The following PSMC5 variants were observed in gnomAD, a reference collection of about 807,000 sequenced individuals.
The protein encoded by PSMC5 is proteasome 26S subunit, ATPase 5, also known as 26S proteasome regulatory subunit 8.
PSMC5 carries 11 observed loss-of-function variants against 49.1 expected under a neutral mutation model. That is an observed-to-expected ratio of 0.22 (90% CI 0.14 to 0.37). The LOEUF is 0.37. Ranked by LOEUF, PSMC5 falls within the 10% of genes least tolerant of loss-of-function variation. PSMC5 has a pLI of 1.00. For missense variants in PSMC5, 229 were observed against 520.9 expected, an observed-to-expected ratio of 0.44 and a Z score of 5.45; for synonymous variants, 206 against 192.2, an observed-to-expected ratio of 1.07 and a Z score of -0.59.
Position 63,831,008 on chromosome 17 carries a change from C to A in PSMC5, c.680-28C>A. ...TAGAGAGCTAATAAGCTAATAAGCT[C>A]CCTAACACCAGCTCGGCCTCCACAC... On this transcript the variant is annotated intron_variant, in intron 7 of 11. Transcript: ENST00000310144. This position sits in a 1 kb window ranked among gnomAD's most constrained non-coding sequence, Gnocchi z 6.3. 1 of 1,600,288 alleles carries A rather than the reference C, an allele frequency of 6.2e-7. No individual in the cohort carries two copies. Among genetic ancestry groups the A allele is most frequent in the South Asian group, 1.1e-5 (1 of 89,146 alleles).
Position 63,830,338 on chromosome 17 carries a change from A to T in PSMC5, c.389A>T (p.Lys130Met). The change falls in exon 6 of 12, where the codon AAG becomes ATG. Residue 130 changes from lysine to methionine, a missense_variant. Physicochemically the swap from Lys to Met is moderately conservative, Grantham distance 95. Around this residue, in one of 4 missense-constraint regions of PSMC5, gnomAD observed 10 missense variants for 22.3 expected, o/e 0.45. Coordinates refer to ENST00000310144, the MANE Select transcript of PSMC5 (RefSeq NM_002805.6). The surrounding 1 kb of genome is among the most constrained non-coding windows in gnomAD (Gnocchi z 4.0). ...SYTLHKILPN[K>M]VDPLVSLMMV... ...ACTCTGCACAAGATCCTGCCCAACAAGGTAGACCCATTAGTGTCACTGATG... is the reference window on the plus strand; with the variant it reads ...ACTCTGCACAAGATCCTGCCCAACATGGTAGACCCATTAGTGTCACTGATG... 6.2e-7 allele frequency: 1 copy of T among 1,614,218 alleles called. No individual in the cohort carries two copies. Among genetic ancestry groups the T allele is most frequent in the East Asian group, 2.2e-5 (1 of 44,884 alleles).
rs542120633 is a variant in PSMC5 at position 63,829,171 on chromosome 17, T to G, written c.97-323T>G. ...TGGGCTAGAACTCAGGTTTCTCACC[T>G]AACAATCTTTCCACCAGGTGTTGTT... On this transcript the variant is annotated intron_variant, in intron 2 of 11. Transcript: ENST00000310144. 4.8e-4 allele frequency: 144 copies of G among 301,610 alleles called. 2 individuals are homozygous for G. The highest frequency in any genetic ancestry group is 1.4e-3 in the Admixed American group (31 of 21,598). 18.7% of individuals were successfully genotyped at this position (301,610 alleles called of 1,614,324 possible). A position where few individuals can be genotyped will look rare whatever the true frequency, so the allele number is the denominator to read the frequency against.
rs2040163351 is a variant in PSMC5, at chr17:63,830,027, G to C, written c.264+78G>C. ...CCTTTGTGTGTAGCCTCGGGAGACA[G>C]GGTTCTGTGTTCTGTCAAGGTATTG... On this transcript the variant is annotated intron_variant, in intron 4 of 11. Coordinates refer to ENST00000310144, the MANE Select transcript of PSMC5 (RefSeq NM_002805.6). The surrounding 1 kb of genome is among the most constrained non-coding windows in gnomAD (Gnocchi z 4.0). 6.4e-7 allele frequency: 1 copy of C among 1,564,588 alleles called. No individual in the cohort carries two copies. The highest frequency in any genetic ancestry group is 1.2e-5 in the South Asian group (1 of 83,546).
rs2040194238 is a variant in PSMC5, at chr17:63,831,903, C to T, written c.1168-13C>T. On this transcript the variant is annotated splice_polypyrimidine_tract_variant and intron_variant, in intron 11 of 11. Coordinates refer to ENST00000310144, the MANE Select transcript of PSMC5 (RefSeq NM_002805.6). The surrounding 1 kb of genome is among the most constrained non-coding windows in gnomAD (Gnocchi z 6.3). ...GTTCGTAACTTAATGTTCATTCTCT[C>T]TCCCACCCCTAGGTCATGCAGAAGG... 1.2e-6 allele frequency: 2 copies of T among 1,613,842 alleles called. No homozygotes were observed. Among genetic ancestry groups the T allele is most frequent in the East Asian group, 2.2e-5 (1 of 44,884 alleles).
chr17:63,830,710 AT>A lies in PSMC5; in HGVS notation c.553-98del. On this transcript the variant is annotated intron_variant, in intron 6 of 11. Transcript: ENST00000310144. This position sits in a 1 kb window ranked among gnomAD's most constrained non-coding sequence, Gnocchi z 4.0. ...CTTGATGTTCCTTTTTTTTTTTTGT[AT>A]CCCTAACATCTAGCAAGGGACCCAG... 1.4e-6 allele frequency: 2 copies of A among 1,431,640 alleles called. No individual in the cohort carries two copies. The highest frequency in any genetic ancestry group is 1.8e-6 in the Non-Finnish European group (2 of 1,083,118). The allele number at this position is 1,431,640 out of a possible 1,614,324, so 88.7% of individuals were successfully genotyped here.
Position 63,830,676 on chromosome 17 carries a change from A to G in PSMC5, c.553-133A>G, listed in dbSNP as rs1484184817. Reference sequence around the variant, plus strand: ...CCTAGGGCGGTGAGGTGGTTTGGATAGAAGGGACCTTGATGTTCCTTTTTT... The same window carrying G: ...CCTAGGGCGGTGAGGTGGTTTGGATGGAAGGGACCTTGATGTTCCTTTTTT... On this transcript the variant is annotated intron_variant, in intron 6 of 11. Coordinates refer to ENST00000310144, the MANE Select transcript of PSMC5 (RefSeq NM_002805.6). This position sits in a 1 kb window ranked among gnomAD's most constrained non-coding sequence, Gnocchi z 4.0. 1.1e-4 allele frequency: 157 copies of G among 1,430,002 alleles called. No individual in the cohort carries two copies. Among genetic ancestry groups the G allele is most frequent in the Non-Finnish European group, 1.4e-4 (153 of 1,083,782 alleles). The allele number at this position is 1,430,002 out of a possible 1,614,324, so 88.6% of individuals were successfully genotyped here.
At position 63,831,350 on chromosome 17, in the gene PSMC5, T is replaced by G. The variant is rs1483958329; in HGVS notation, c.894T>G (p.Ile298Met). The G allele has an allele frequency of 6.2e-7, 1 of 1,613,864 alleles. No individual in the cohort carries two copies. The highest frequency in any genetic ancestry group is 8.5e-7 in the Non-Finnish European group (1 of 1,180,008). Residue 298 changes from isoleucine (I) to methionine (M), a missense_variant, in exon 9 of 12, where the codon ATT (isoleucine) becomes ATG (methionine). Transcript: ENST00000310144. This position sits in a 1 kb window ranked among gnomAD's most constrained non-coding sequence, Gnocchi z 6.3. Reference protein sequence around the residue: ...NIKVIMATNRIDILDSALLRP... With the variant: ...NIKVIMATNRMDILDSALLRP... ...AGGTTATCATGGCTACTAATAGGAT[T>G]GATATCCTGGACTCGGCACTGCTTC...
rs1391480084 is a variant in PSMC5, at chr17:63,831,680, TGAG to T, written c.1081-42_1081-40del. On this transcript the variant is annotated intron_variant, in intron 10 of 11. Transcript: ENST00000310144. This position sits in a 1 kb window ranked among gnomAD's most constrained non-coding sequence, Gnocchi z 6.3. ...AAGCTCTGGGCTCAAGGGCCACAGA[TGAG>T]GGGCACAGCAGTGGGGCCTCAATTT... 1.2e-6 allele frequency: 2 copies of T among 1,613,470 alleles called. No homozygotes were observed. The highest frequency in any genetic ancestry group is 1.7e-6 in the Non-Finnish European group (2 of 1,179,520).
At chr17:63,829,686 A>G (rs751096177) in intron 3 of PSMC5, 123 bp downstream of exon 3, 221 of 1,219,578 alleles carry the variant, frequency 1.8e-4, no homozygotes, top group Non-Finnish European at 2.5e-4. Context: ...TAGTAGTTTC[A>G]CATGCATCTC....
intron 2 of PSMC5, chr17:63,829,269 A>G (rs2040151617): frequency 2.0e-6 from 1 of 496,622 alleles, no homozygotes; most frequent in South Asian, 3.0e-5. Context: ...TTACTCCTGG[A>G]CCAGTATTGG....
At position 63,831,033 on chromosome 17, in the gene PSMC5, C is replaced by T. The variant is rs113062555; in HGVS notation, c.680-3C>T. On this transcript the variant is annotated splice_polypyrimidine_tract_variant and splice_region_variant and intron_variant, in intron 7 of 11. Coordinates refer to ENST00000310144, the MANE Select transcript of PSMC5 (RefSeq NM_002805.6). The surrounding 1 kb of genome is among the most constrained non-coding windows in gnomAD (Gnocchi z 6.3). Reference sequence around the variant, plus strand: ...CCCTAACACCAGCTCGGCCTCCACACAGGGGCAAGAATGGTGAGGGAGCTG... The same window carrying T: ...CCCTAACACCAGCTCGGCCTCCACATAGGGGCAAGAATGGTGAGGGAGCTG... 3.8e-6 allele frequency: 6 copies of T among 1,582,962 alleles called. No homozygotes were observed. The highest frequency in any genetic ancestry group is 2.3e-5 in the South Asian group (2 of 85,328).
intron 3 of PSMC5, 112 bp downstream of exon 3, chr17:63,829,675 C>T (rs1377846085): frequency 8.0e-7 from 1 of 1,252,594 alleles, no homozygotes; most frequent in African/African-American, 1.5e-5. Flanking sequence ...CTGTCATCAT[C>T]TAGTAGTTTC....
In PSMC5 at chr17:63,830,237, T is replaced by C. The variant is rs878867577; in HGVS notation, c.322-34T>C. 1.2e-6 allele frequency: 2 copies of C among 1,614,018 alleles called. No homozygotes were observed. Among genetic ancestry groups the C allele is most frequent in the Admixed American group, 3.3e-5 (2 of 60,024 alleles). On this transcript the variant is annotated intron_variant, in intron 5 of 11. Transcript: ENST00000310144. This position sits in a 1 kb window ranked among gnomAD's most constrained non-coding sequence, Gnocchi z 4.0. ...TGGTGGTGGTGGGGTCAGCTCTTAC[T>C]GTACCACTTCTGAAACTCGCCCCCT...
Position 63,830,285 on chromosome 17 carries a change from C to T in PSMC5, c.336C>T (p.Cys112=), listed in dbSNP as rs2040167172. The T allele has an allele frequency of 1.9e-6, 3 of 1,614,122 alleles. No homozygotes were observed. The highest frequency in any genetic ancestry group is 1.7e-6 in the Non-Finnish European group (2 of 1,180,040). The stretch of plus-strand genomic sequence containing the variant: ...CCTTCACCCAGGTGACACCCAATTG[C>T]CGGGTGGCTCTAAGGAATGACAGCT... ...NIDINDVTPN[C]RVALRNDSYT... is the part of the protein sequence containing the mutation. The change falls in exon 6 of 12, where the codon TGC becomes TGT. Residue 112 remains cysteine (C), a synonymous_variant. Coordinates refer to ENST00000310144, the MANE Select transcript of PSMC5 (RefSeq NM_002805.6). The surrounding 1 kb of genome is among the most constrained non-coding windows in gnomAD (Gnocchi z 4.0).
chr17:63,829,989 C>T (rs754767139), intron 4 of PSMC5, 40 bp downstream of exon 4: 8 of 1,581,020 alleles, frequency 5.1e-6, no homozygotes, highest in East Asian at 4.5e-5. Flanking sequence ...TCGGTCTCCA[C>T]TGCATTCCCA....
rs111372646 is a variant in PSMC5, at chr17:63,830,742, G to A, written c.553-67G>A. ...ACATCTAGCAAGGGACCCAGCACTCGGTAAATGTTCACTGAATGAAATGAG... is the reference window on the plus strand; with the variant it reads ...ACATCTAGCAAGGGACCCAGCACTCAGTAAATGTTCACTGAATGAAATGAG... On this transcript the variant is annotated intron_variant, in intron 6 of 11. Coordinates refer to ENST00000310144, the MANE Select transcript of PSMC5 (RefSeq NM_002805.6). This position sits in a 1 kb window ranked among gnomAD's most constrained non-coding sequence, Gnocchi z 4.0. 69 of 1,588,888 alleles carry A rather than the reference G, an allele frequency of 4.3e-5. No homozygotes were observed. Among genetic ancestry groups the A allele is most frequent in the African/African-American group, 2.6e-4 (19 of 73,928 alleles).
At position 63,829,576 on chromosome 17, in the gene PSMC5, A is replaced by G. The variant is rs780586177; in HGVS notation, c.166+13A>G. The G allele has an allele frequency of 3.9e-5, 60 of 1,552,690 alleles. No homozygotes were observed. Among genetic ancestry groups the G allele is most frequent in the Non-Finnish European group, 4.9e-5 (56 of 1,147,550 alleles). On this transcript the variant is annotated intron_variant, in intron 3 of 11. Transcript: ENST00000310144. ...CTAAATGCTAAAGGTGAGTGGAGAA[A>G]GATGGGAAGCCGCATGTGGGCAGTT...
At position 63,830,555 on chromosome 17, in the gene PSMC5, C is replaced by A; in HGVS notation, c.552+54C>A. On this transcript the variant is annotated intron_variant, in intron 6 of 11. Transcript: ENST00000310144. This position sits in a 1 kb window ranked among gnomAD's most constrained non-coding sequence, Gnocchi z 4.0. ...CAAGCTGTACTTACTCCTCCTGCCC[C>A]AGCCAGCCCTACTGCAGGGGTTGGG... The A allele has an allele frequency of 6.3e-7, 1 of 1,593,280 alleles. No individual in the cohort carries two copies. The highest frequency in any genetic ancestry group is 8.5e-7 in the Non-Finnish European group (1 of 1,171,116).
rs2040172017 is a variant in PSMC5 at position 63,830,651 on chromosome 17, C to T, written c.552+150C>T. The T allele has an allele frequency of 6.9e-7, 1 of 1,458,108 alleles. No individual in the cohort carries two copies. Among genetic ancestry groups the T allele is most frequent in the African/African-American group, 1.4e-5 (1 of 70,232 alleles). The allele number at this position is 1,458,108 out of a possible 1,614,324, so 90.3% of individuals were successfully genotyped here. A position where few individuals can be genotyped will look rare whatever the true frequency, so the allele number is the denominator to read the frequency against. ...TGAAAAGAGTGGCTGGGGAAGTGTTCCTAGGGCGGTGAGGTGGTTTGGATA... is the reference window on the plus strand; with the variant it reads ...TGAAAAGAGTGGCTGGGGAAGTGTTTCTAGGGCGGTGAGGTGGTTTGGATA... On this transcript the variant is annotated intron_variant, in intron 6 of 11. Transcript: ENST00000310144. This position sits in a 1 kb window ranked among gnomAD's most constrained non-coding sequence, Gnocchi z 4.0.
Sources: gnomAD v4.1 joint callset for allele counts on GRCh38, gnomAD v4.1.1 for gene constraint, gnomAD v4.1.1 regional missense constraint, Gnocchi (gnomAD v3.1) non-coding constraint, MANE v1.5 for transcripts, NCBI Gene and HGNC (gene_info 2026-07-23, HGNC 2026-07-21) for gene names.